EIF2AK1: variants seen among roughly 807,000 people sequenced by gnomAD.
EIF2AK1 encodes eukaryotic translation initiation factor 2-alpha kinase 1.
EIF2AK1 carries 54 observed loss-of-function variants against 77.9 expected under a neutral mutation model. The ratio of observed to expected loss-of-function variants is 0.69; its 90% CI spans 0.56 to 0.87. The LOEUF (loss-of-function observed/expected upper bound fraction) is 0.87, where lower values mean the gene tolerates loss of function less well. Ranked by LOEUF, EIF2AK1 falls within the 40% of genes least tolerant of loss-of-function variation. The pLI, the probability that EIF2AK1 is intolerant of heterozygous loss-of-function variation, is 0.00. For missense variants in EIF2AK1, 810 were observed against 768.6 expected (o/e 1.05, Z -0.64); for synonymous variants, 314 against 290.5 (o/e 1.08, Z -0.82).
At chr7:6,044,495 G>T (rs1304704404) in intron 7 of EIF2AK1, 67 bp downstream of exon 7, 4 of 1,330,458 alleles carry the variant, frequency 3.0e-6, no homozygotes, top group Non-Finnish European at 4.2e-6. Flanking sequence ...ACAAAGGCAG[G>T]CCAGATTTGG....
At chr7:6,034,231 C>T (rs1298337715) in intron 11 of EIF2AK1, among the ~76,000 whole-genome samples, 3 of 151,902 alleles carry the variant, frequency 2.0e-5, no homozygotes, top group Non-Finnish European at 2.9e-5. Context: ...CGCTTGAACC[C>T]GTGAGGCAGC....
In EIF2AK1 at chr7:6,036,357, T is replaced by C. The variant is rs1163089092; in HGVS notation, c.1332+1067A>G. On this transcript the variant is annotated intron_variant, in intron 11 of 14. Coordinates refer to ENST00000199389, the MANE Select transcript of EIF2AK1 (RefSeq NM_014413.4). This position sits in a 1 kb window ranked among gnomAD's most constrained non-coding sequence, Gnocchi z 4.6. Reference sequence around the variant, plus strand: ...AGTGACAATATGGAATTCTGTCTACTGCTGTTATGACTTGGCATATACCTC... The same window carrying C: ...AGTGACAATATGGAATTCTGTCTACCGCTGTTATGACTTGGCATATACCTC... The C allele has an allele frequency of 6.6e-7, 1 of 1,519,908 alleles. No homozygotes were observed. Among genetic ancestry groups the C allele is most frequent in the Non-Finnish European group, 8.8e-7 (1 of 1,134,974 alleles). 94.2% of individuals were successfully genotyped at this position (1,519,908 alleles called of 1,614,324 possible).
At chr7:6,053,471 C>T (rs984933737) in intron 2 of EIF2AK1, among the ~76,000 whole-genome samples, 1 of 152,050 alleles carries the variant, frequency 6.6e-6, no homozygotes, top group Admixed American at 6.6e-5. Flanking sequence ...AAATGATTTT[C>T]CAGCCTCAGC....
chr7:6,057,246 GA>G lies in EIF2AK1; in HGVS notation c.118+1719del, dbSNP rs957160657. ...CTCCCGGACGACCCCATCTCTTTAA[GA>G]AAAAAAAAAATTATAGGTAGTATTA... On this transcript the variant is annotated intron_variant, in intron 1 of 14. Transcript: ENST00000199389. 1.4e-4 allele frequency among the ~76,000 whole-genome samples: 18 copies of G among 130,782 alleles called. No individual in the cohort carries two copies. In the Middle Eastern group the frequency reaches 0.013, roughly 93 times the overall value. 85.8% of individuals were successfully genotyped at this position (130,782 alleles called of 152,430 possible).
intron 3 of EIF2AK1, 159 bp downstream of exon 3, chr7:6,049,753 G>C (rs1270353972): frequency 1.6e-6 from 1 of 628,142 alleles, no homozygotes; most frequent in Non-Finnish European, 2.6e-6. Flanking sequence ...CTCCCAAAGT[G>C]CTGGGATTAA....
intron 2 of EIF2AK1, among the ~76,000 whole-genome samples, chr7:6,054,332 T>G (rs1788690463): frequency 6.6e-6 from 1 of 151,964 alleles, no homozygotes; most frequent in Non-Finnish European, 1.5e-5. Context: ...GCCTCCCGAG[T>G]AGCTGGGGTT....
At chr7:6,057,126 CTTTTTTTT>C (rs34958065) in intron 1 of EIF2AK1, among the ~76,000 whole-genome samples, 1 of 90,722 alleles carries the variant, frequency 1.1e-5, no homozygotes, top group South Asian at 3.7e-4. Flanking sequence ...GACCCCATCT[CTTTTTTTT>C]TTTTTTTTTT....
intron 7 of EIF2AK1, among the ~76,000 whole-genome samples, chr7:6,044,192 C>T (rs191694078): frequency 2.9e-3 from 445 of 152,136 alleles, no homozygotes; most frequent in African/African-American, 9.5e-3. Flanking sequence ...CAACCAGGCG[C>T]GGTGGCTCAT....
In EIF2AK1 at chr7:6,035,207, T is replaced by TTA. The variant is rs1275359292; in HGVS notation, c.1332+2215_1332+2216dup. Among the ~76,000 whole-genome samples, 3 of 151,306 alleles carry TTA rather than the reference T, an allele frequency of 2.0e-5. No homozygotes were observed. The highest frequency in any genetic ancestry group is 4.4e-5 in the Non-Finnish European group (3 of 67,926). On this transcript the variant is annotated intron_variant, in intron 11 of 14. Coordinates refer to ENST00000199389, the MANE Select transcript of EIF2AK1 (RefSeq NM_014413.4). The surrounding 1 kb of genome is among the most constrained non-coding windows in gnomAD (Gnocchi z 5.5). ...GAAAATAATTTTTCAAAAAAAAAAA[T>TTA]TATATATACATAAAATGAAGCTAGG...
rs1490240232 is a variant in EIF2AK1 at position 6,035,910 on chromosome 7, A to G, written c.1332+1514T>C. ...ACTCCTCGGGGCGGGGGTCAGCTGC[A>G]TCCGTCTGCTACTCACTCACGGAGC... is the stretch of plus-strand genomic sequence containing the variant. On this transcript the variant is annotated intron_variant, in intron 11 of 14. Coordinates refer to ENST00000199389, the MANE Select transcript of EIF2AK1 (RefSeq NM_014413.4). The surrounding 1 kb of genome is among the most constrained non-coding windows in gnomAD (Gnocchi z 5.5). 7 of 1,546,800 alleles carry G rather than the reference A, an allele frequency of 4.5e-6. No individual in the cohort carries two copies. In the Admixed American group the frequency reaches 7.9e-5, roughly 17 times the overall value.
intron 1 of EIF2AK1, among the ~76,000 whole-genome samples, chr7:6,055,522 G>A (rs1788725889): frequency 6.6e-6 from 1 of 151,870 alleles, no homozygotes; most frequent in African/African-American, 2.4e-5. Context: ...TGATCTCAGA[G>A]AGGCTGAGGA....
At chr7:6,045,872 C>G (rs1364970293) in intron 6 of EIF2AK1, among the ~76,000 whole-genome samples, 199 bp downstream of exon 6, 1 of 151,640 alleles carries the variant, frequency 6.6e-6, no homozygotes. Flanking sequence ...TTACTCCAAC[C>G]TGGCCAAAAG....
Position 6,033,311 on chromosome 7 carries a change from AT to A in EIF2AK1, c.1332+4112del, listed in dbSNP as rs764593109. Among the ~76,000 whole-genome samples, 45 of 151,438 alleles carry A rather than the reference AT, an allele frequency of 3.0e-4. No individual in the cohort carries two copies. The highest frequency in any genetic ancestry group is 9.7e-4 in the African/African-American group (40 of 41,266). On this transcript the variant is annotated intron_variant, in intron 11 of 14. Transcript: ENST00000199389. This position sits in a 1 kb window ranked among gnomAD's most constrained non-coding sequence, Gnocchi z 4.4. ...CTAAGTGAGGATATACCTGATATAGATTTTTTTTTCAGTTCATACATTTTTT... is the reference window on the plus strand; with the variant it reads ...CTAAGTGAGGATATACCTGATATAGATTTTTTTTCAGTTCATACATTTTTT...
In EIF2AK1 at chr7:6,033,925, A is replaced by T. The variant is rs571349333; in HGVS notation, c.1332+3499T>A. Reference sequence around the variant, plus strand: ...CTAGAAGGTAAGCCGCATGAAAGAGAAGTTGACCTTGTGCACCACTGTATC... The same window carrying T: ...CTAGAAGGTAAGCCGCATGAAAGAGTAGTTGACCTTGTGCACCACTGTATC... On this transcript the variant is annotated intron_variant, in intron 11 of 14. Transcript: ENST00000199389. This position sits in a 1 kb window ranked among gnomAD's most constrained non-coding sequence, Gnocchi z 4.4. Among the ~76,000 whole-genome samples the T allele has an allele frequency of 1.7e-3, 254 of 152,178 alleles. No individual in the cohort carries two copies. Among genetic ancestry groups the T allele is most frequent in the African/African-American group, 5.6e-3 (234 of 41,526 alleles).
chr7:6,046,100 T>C lies in EIF2AK1; in HGVS notation c.601A>G (p.Lys201Glu). The C allele has an allele frequency of 3.8e-6, 6 of 1,571,094 alleles. No individual in the cohort carries two copies. Among genetic ancestry groups the C allele is most frequent in the Non-Finnish European group, 5.2e-6 (6 of 1,161,190 alleles). The change falls in exon 6 of 15, where the codon AAG (lysine) becomes GAG (glutamate). Residue 201 changes from lysine (K) to glutamate (E), a missense_variant. Transcript: ENST00000199389. Reference protein sequence around the residue: ...QYYAIKKILIKGATKTVCMKV... With the variant: ...QYYAIKKILIEGATKTVCMKV... ...ATGCAAACTGTTTTAGTTGCACCCT[T>C]AATCAGGATTTTTTTTATTGCATAA...
At chr7:6,028,847 C>T in intron 12 of EIF2AK1, 71 bp downstream of exon 12, 1 of 1,470,212 alleles carries the variant, frequency 6.8e-7, no homozygotes, top group East Asian at 2.3e-5. Context: ...TTATGATTCT[C>T]TTTAAATACT....
rs181375049 is a variant in EIF2AK1 at position 6,050,863 on chromosome 7, T to A, written c.278-818A>T. Among the ~76,000 whole-genome samples, 10 of 151,520 alleles carry A rather than the reference T, an allele frequency of 6.6e-5. No individual in the cohort carries two copies. The East Asian group carries it at 2.0e-3, about 30-fold the overall frequency. ...CGTGATCCACCCACCTTGGCCTCCCTAAGTGCTGGGATTACAGGCATGAGC... is the reference window on the plus strand; with the variant it reads ...CGTGATCCACCCACCTTGGCCTCCCAAAGTGCTGGGATTACAGGCATGAGC... On this transcript the variant is annotated intron_variant, in intron 2 of 14. Transcript: ENST00000199389.
intron 14 of EIF2AK1, among the ~76,000 whole-genome samples, chr7:6,025,930 C>T (rs572640080): frequency 3.7e-4 from 57 of 152,236 alleles, no homozygotes; most frequent in African/African-American, 1.1e-3. Flanking sequence ...TGAGCCACCC[C>T]GCCTGGCCAG....
rs562812863 is a variant in EIF2AK1, at chr7:6,024,301, G to A, written c.*372C>T. On this transcript the variant is annotated 3_prime_UTR_variant, in exon 15 of 15. Coordinates refer to ENST00000199389, the MANE Select transcript of EIF2AK1 (RefSeq NM_014413.4). ...GGAAGACTGGCAGCTGTCAAAACTG[G>A]AACAGTCCAGTGAGTATGTGCAGGC... 15 of 1,216,254 alleles carry A rather than the reference G, an allele frequency of 1.2e-5. No individual in the cohort carries two copies. In the South Asian group the frequency reaches 2.2e-4, roughly 17 times the overall value. 75.3% of individuals were successfully genotyped at this position (1,216,254 alleles called of 1,614,324 possible).
Sources: gnomAD v4.1 joint callset for allele counts (sites outside exome capture counted in the v4.1 genomes callset) on GRCh38, gnomAD v4.1.1 for gene constraint, Gnocchi (gnomAD v3.1) non-coding constraint, MANE v1.5 for transcripts, NCBI Gene and HGNC (gene_info 2026-07-23, HGNC 2026-07-21) for gene names.